The following GRIN2B variants were observed in gnomAD, a reference collection of about 807,000 sequenced individuals.
The protein encoded by GRIN2B is glutamate receptor ionotropic, NMDA 2B.
Under a neutral mutation model 114.5 loss-of-function variants are expected in GRIN2B, and 5 were observed. The observed-to-expected ratio is 0.04, with a 90% CI of 0.02 to 0.09. The LOEUF is 0.09. Among genes scored for constraint, GRIN2B ranks in the 10% least tolerant of loss-of-function variants. The probability of loss-of-function intolerance (pLI) is 1.00; values close to 1 mark genes in which losing one functional copy is unlikely to be tolerated. For synonymous variants in GRIN2B, 787 were observed against 745.1 expected (o/e 1.06, Z -0.92); for missense variants, 1,108 against 1,943.5 (o/e 0.57, Z 8.08).
chr12:13,549,817 C>T lies in GRIN2B; in HGVS notation c.*12966G>A, dbSNP rs1242601688. Reference sequence around the variant, plus strand: ...AACCTTTCTGATTTTCAAATTTTTGCTTTCTTCTTGCTCTTTTTGACTTGT... The same window carrying T: ...AACCTTTCTGATTTTCAAATTTTTGTTTTCTTCTTGCTCTTTTTGACTTGT... On this transcript the variant is annotated 3_prime_UTR_variant, in exon 14 of 14. Coordinates refer to ENST00000609686, the MANE Select transcript of GRIN2B (RefSeq NM_000834.5). The T allele has an allele frequency of 6.6e-6, 1 of 152,134 alleles. No homozygotes were observed. The highest frequency in any genetic ancestry group is 1.5e-5 in the Non-Finnish European group (1 of 68,020). 9.4% of individuals were successfully genotyped at this position (152,134 alleles called of 1,614,324 possible). A position where few individuals can be genotyped will look rare whatever the true frequency, so the allele number is the denominator to read the frequency against.
intron 2 of GRIN2B, among the ~76,000 whole-genome samples, chr12:13,906,573 ATGTTTGTG>A (rs1866537907): frequency 6.6e-6 from 1 of 152,174 alleles, no homozygotes; most frequent in East Asian, 1.9e-4. Flanking sequence ...CCTTATGAAT[ATGTTTGTG>A]TGTGTAAGAA....
In GRIN2B at chr12:13,548,847, T is replaced by G. The variant is rs1948378160; in HGVS notation, c.*13936A>C. 2 of 151,994 alleles carry G rather than the reference T, an allele frequency of 1.3e-5. No individual in the cohort carries two copies. The highest frequency in any genetic ancestry group is 2.4e-5 in the African/African-American group (1 of 41,352). 9.4% of individuals were successfully genotyped at this position (151,994 alleles called of 1,614,324 possible). A position where few individuals can be genotyped will look rare whatever the true frequency, so the allele number is the denominator to read the frequency against. ...TGGGAATAAAAGCTACCTCCTCCAT[T>G]TCCTCCGATCATCTGAAACTAGCCT... On this transcript the variant is annotated 3_prime_UTR_variant, in exon 14 of 14. Coordinates refer to ENST00000609686, the MANE Select transcript of GRIN2B (RefSeq NM_000834.5).
chr12:13,597,446 A>G (rs936875200), intron 10 of GRIN2B, among the ~76,000 whole-genome samples: 1 of 152,194 alleles, frequency 6.6e-6, no homozygotes, highest in Non-Finnish European at 1.5e-5. Flanking sequence ...TCCTTCCACC[A>G]AGTCTCAGAT....
intron 10 of GRIN2B, among the ~76,000 whole-genome samples, chr12:13,607,287 ATTATAT>A (rs1949273881): frequency 6.8e-5 from 1 of 14,750 alleles, no homozygotes; most frequent in African/African-American, 1.7e-4. Context: ...TATAATATAT[ATTATAT>A]AAAAATATAT....
rs1948464405 is a variant in GRIN2B, at chr12:13,555,182, G to A, written c.*7601C>T. On this transcript the variant is annotated 3_prime_UTR_variant, in exon 14 of 14. Coordinates refer to ENST00000609686, the MANE Select transcript of GRIN2B (RefSeq NM_000834.5). ...AGAGCAGGAACCAATGAGGTTAGAGGACCAGAGAACTAAGATTAAAACCAG... is the reference window on the plus strand; with the variant it reads ...AGAGCAGGAACCAATGAGGTTAGAGAACCAGAGAACTAAGATTAAAACCAG... The A allele has an allele frequency of 6.6e-6, 1 of 152,156 alleles. No individual in the cohort carries two copies. Among genetic ancestry groups the A allele is most frequent in the Non-Finnish European group, 1.5e-5 (1 of 68,048 alleles). The allele number at this position is 152,156 out of a possible 1,614,324, so 9.4% of individuals were successfully genotyped here.
intron 2 of GRIN2B, among the ~76,000 whole-genome samples, chr12:13,925,937 G>A (rs190014886): frequency 4.7e-4 from 72 of 151,978 alleles, no homozygotes; most frequent in African/African-American, 1.4e-3. Flanking sequence ...ATTTTCCTCC[G>A]TTCAATTTGA....
intron 3 of GRIN2B, among the ~76,000 whole-genome samples, chr12:13,847,073 T>A (rs1466414871): frequency 6.6e-6 from 1 of 152,148 alleles, no homozygotes; most frequent in Admixed American, 6.5e-5. Context: ...ATAGAACTAA[T>A]AAGGGAGAGC....
intron 3 of GRIN2B, among the ~76,000 whole-genome samples, chr12:13,835,541 C>T (rs535081535): frequency 6.6e-6 from 1 of 152,098 alleles, no homozygotes; most frequent in East Asian, 1.9e-4. Flanking sequence ...AGGAGAAAAC[C>T]TCACAGAAAG....
intron 2 of GRIN2B, among the ~76,000 whole-genome samples, chr12:13,975,042 AAG>A (rs1400181662): frequency 6.6e-6 from 1 of 152,200 alleles, no homozygotes; most frequent in Non-Finnish European, 1.5e-5. Context: ...GAAAGAGTGA[AAG>A]AAGAGAGGAG....
chr12:13,895,626 C>T (rs978315830), intron 2 of GRIN2B, among the ~76,000 whole-genome samples: 9 of 152,136 alleles, frequency 5.9e-5, no homozygotes, highest in Non-Finnish European at 8.8e-5. Flanking sequence ...ATAATGTAAA[C>T]GGAACTCTCC....
intron 3 of GRIN2B, among the ~76,000 whole-genome samples, chr12:13,848,452 C>G (rs1464537305): frequency 6.6e-6 from 1 of 151,732 alleles, no homozygotes. Context: ...TCTGGGCAGG[C>G]AAAGGGCAGA....
At chr12:13,585,384 C>T (rs981650637) in intron 10 of GRIN2B, among the ~76,000 whole-genome samples, 1 of 152,160 alleles carries the variant, frequency 6.6e-6, no homozygotes, top group Admixed American at 6.5e-5. Context: ...AATTGAGGCA[C>T]GGAAATGCCA....
intron 3 of GRIN2B, among the ~76,000 whole-genome samples, chr12:13,779,855 G>A (rs1030548047): frequency 3.3e-5 from 5 of 152,118 alleles, no homozygotes; most frequent in Non-Finnish European, 7.3e-5. Flanking sequence ...TCTGTCAAAC[G>A]GTAATAATGA....
chr12:13,895,182 A>C (rs1420454885), intron 2 of GRIN2B, among the ~76,000 whole-genome samples: 1 of 152,194 alleles, frequency 6.6e-6, no homozygotes, highest in Non-Finnish European at 1.5e-5. Flanking sequence ...GGTCCAAAGA[A>C]ATCATGAGGT....
At chr12:13,645,392 G>A (rs549530327) in intron 5 of GRIN2B, among the ~76,000 whole-genome samples, 1 of 151,978 alleles carries the variant, frequency 6.6e-6, no homozygotes. Flanking sequence ...AATTACAGTA[G>A]TAACATCAAA....
chr12:13,602,806 C>A (rs752092235), intron 10 of GRIN2B, among the ~76,000 whole-genome samples: 2 of 152,198 alleles, frequency 1.3e-5, no homozygotes, highest in Non-Finnish European at 2.9e-5. Context: ...TAGCTACCCT[C>A]ATTAAGCAGA....
At chr12:13,909,413 C>T (rs188690008) in intron 2 of GRIN2B, among the ~76,000 whole-genome samples, 2 of 152,284 alleles carry the variant, frequency 1.3e-5, no homozygotes, top group African/African-American at 2.4e-5. Flanking sequence ...GTTAGTACCT[C>T]GGGATAGGGC....
intron 4 of GRIN2B, among the ~76,000 whole-genome samples, chr12:13,737,119 T>C (rs1195595295): frequency 6.6e-6 from 1 of 152,044 alleles, no homozygotes; most frequent in African/African-American, 2.4e-5. Flanking sequence ...ACATGCATTA[T>C]GTGGCAATTA....
Position 13,753,292 on chromosome 12 carries a change from A to T in GRIN2B, c.1010+25T>A, listed in dbSNP as rs1458195717. 3.9e-6 allele frequency: 5 copies of T among 1,283,228 alleles called. No individual in the cohort carries two copies. Among genetic ancestry groups the T allele is most frequent in the Non-Finnish European group, 5.7e-6 (5 of 878,226 alleles). The allele number at this position is 1,283,228 out of a possible 1,614,324, so 79.5% of individuals were successfully genotyped here. On this transcript the variant is annotated intron_variant, in intron 4 of 13. Transcript: ENST00000609686. The surrounding 1 kb of genome is among the most constrained non-coding windows in gnomAD (Gnocchi z 6.2). ...AAGCTCCCCTCTCATCTCCACCATCAATGTGCCCTCTGTTCCACACTCACC... is the reference window on the plus strand; with the variant it reads ...AAGCTCCCCTCTCATCTCCACCATCTATGTGCCCTCTGTTCCACACTCACC...
Sources: allele counts gnomAD v4.1 joint callset (sites outside exome capture counted in the v4.1 genomes callset), GRCh38; gene constraint gnomAD v4.1.1; non-coding constraint Gnocchi (gnomAD v3.1); transcripts MANE v1.5; gene names NCBI Gene and HGNC (gene_info 2026-07-23, HGNC 2026-07-21).